The following PIGN variants were observed in gnomAD, a reference collection of about 807,000 sequenced individuals.
The protein encoded by PIGN is GPI ethanolamine phosphate transferase 1.
PIGN carries 117 observed loss-of-function variants against 125.4 expected under a neutral mutation model. The observed-to-expected ratio is 0.93, with a 90% CI of 0.80 to 1.09. The LOEUF is 1.09. Among genes scored for constraint, PIGN ranks in the 50% least tolerant of loss-of-function variants. PIGN has a pLI of 0.00. For missense variants in PIGN, 1,075 were observed against 1,094.9 expected (o/e 0.98, Z 0.26); for synonymous variants, 392 against 377.8 (o/e 1.04, Z -0.44).
chr18:62,146,619 G>A (rs564746798), intron 9 of PIGN, among the ~76,000 whole-genome samples: 4 of 152,230 alleles, frequency 2.6e-5, no homozygotes, highest in African/African-American at 4.8e-5. Context: ...AGGCTTACCC[G>A]GGACAGAATT....
At chr18:62,070,785 CTTTATT>C in intron 30 of PIGN, among the ~76,000 whole-genome samples, 1 of 152,116 alleles carries the variant, frequency 6.6e-6, no homozygotes, top group Non-Finnish European at 1.5e-5. Flanking sequence ...TCAGATTATA[CTTTATT>C]TTTAATTAAC....
chr18:62,079,492 G>A (rs1275829412), intron 28 of PIGN, among the ~76,000 whole-genome samples: 1 of 152,152 alleles, frequency 6.6e-6, no homozygotes, highest in Non-Finnish European at 1.5e-5. Flanking sequence ...ATTTAAGACT[G>A]ACTTAAGAGC....
chr18:62,053,091 T>G, intron 30 of PIGN: 1 of 276,462 alleles, frequency 3.6e-6, no homozygotes. Flanking sequence ...ATTTGCTAGC[T>G]GATGTGAAAA....
rs1329819472 is a variant in PIGN at position 62,042,491 on chromosome 18, G to A, written c.*3365C>T. The A allele has an allele frequency of 1.3e-5, 2 of 152,122 alleles. No homozygotes were observed. Among genetic ancestry groups the A allele is most frequent in the Non-Finnish European group, 2.9e-5 (2 of 68,036 alleles). 9.4% of individuals were successfully genotyped at this position (152,122 alleles called of 1,614,324 possible). On this transcript the variant is annotated 3_prime_UTR_variant, in exon 31 of 31. Coordinates refer to ENST00000640252, the MANE Select transcript of PIGN (RefSeq NM_176787.5). ...GCAGTAACTGTAACCCGTTTTAAGTGTACCCAAGGAAATGAATAAGAGACA... is the reference window on the plus strand; with the variant it reads ...GCAGTAACTGTAACCCGTTTTAAGTATACCCAAGGAAATGAATAAGAGACA...
intron 16 of PIGN, among the ~76,000 whole-genome samples, chr18:62,110,521 T>C (rs999444761): frequency 6.6e-6 from 1 of 152,170 alleles, no homozygotes; most frequent in Non-Finnish European, 1.5e-5. Flanking sequence ...CTAGTGATAG[T>C]CTGCATGGTG....
chr18:62,072,691 C>T lies in PIGN; in HGVS notation c.2654G>A (p.Trp885Ter). 1.2e-6 allele frequency: 2 copies of T among 1,604,620 alleles called. No individual in the cohort carries two copies. Among genetic ancestry groups the T allele is most frequent in the Non-Finnish European group, 1.7e-6 (2 of 1,176,198 alleles). The change falls in exon 30 of 31, where the codon TGG (tryptophan) becomes TAG (stop). Residue 885 changes from tryptophan (W) to a stop codon, truncating the protein, a stop_gained. Coordinates refer to ENST00000640252, the MANE Select transcript of PIGN (RefSeq NM_176787.5). LOFTEE classifies it high-confidence loss of function. Reference sequence around the variant, plus strand: ...ACTATACCTTGTCCCAATATCAAGCCAGCTGCCATAATCCTTGACCAAGAA... The same window carrying T: ...ACTATACCTTGTCCCAATATCAAGCTAGCTGCCATAATCCTTGACCAAGAA... ...FFFLVKDYGS[W>*]LDIGTSISHY... is the part of the protein sequence containing the mutation.
intron 23 of PIGN, among the ~76,000 whole-genome samples, chr18:62,018,877 C>T (rs1358478318): frequency 6.6e-6 from 1 of 152,174 alleles, no homozygotes; most frequent in African/African-American, 2.4e-5. Context: ...CACACACACA[C>T]ACAGCCCAGA....
intron 1 of PIGN, among the ~76,000 whole-genome samples, chr18:62,166,769 C>T (rs939335141): frequency 1.3e-5 from 2 of 151,992 alleles, no homozygotes; most frequent in African/African-American, 4.8e-5. Context: ...TAGATGAAAC[C>T]AGAAGCCATC....
intron 14 of PIGN, among the ~76,000 whole-genome samples, chr18:62,131,769 T>C (rs1254997958): frequency 1.3e-5 from 2 of 152,154 alleles, no homozygotes; most frequent in Non-Finnish European, 2.9e-5. Context: ...TCCTGAAACA[T>C]TTGCTATTTC....
At chr18:62,182,524 T>C (rs1473595289) in intron 1 of PIGN, among the ~76,000 whole-genome samples, 1 of 152,204 alleles carries the variant, frequency 6.6e-6, no homozygotes, top group Non-Finnish European at 1.5e-5. Flanking sequence ...TTTGTGTTTC[T>C]TGAATCTGTT....
At chr18:62,085,648 T>C (rs972245178) in intron 25 of PIGN, among the ~76,000 whole-genome samples, 2 of 152,190 alleles carry the variant, frequency 1.3e-5, no homozygotes, top group African/African-American at 4.8e-5. Flanking sequence ...TATATATGCT[T>C]GCCGTAAACC....
In PIGN at chr18:62,161,185, C is replaced by A. The variant is rs1185886258; in HGVS notation, c.169G>T (p.Asp57Tyr). ...VLFVADGLRADALYELDENGN... is the reference protein window; with the variant it reads ...VLFVADGLRAYALYELDENGN... ...TTTTCATCTAATTCGTAAAGTGCAT[C>A]TGCTCGAAGGCCATCAGCAACAAAC... is the stretch of plus-strand genomic sequence containing the variant. Residue 57 changes from aspartate to tyrosine, a missense_variant, in exon 4 of 31, where the codon GAT (aspartate) becomes TAT (tyrosine). Coordinates refer to ENST00000640252, the MANE Select transcript of PIGN (RefSeq NM_176787.5). The A allele has an allele frequency of 6.2e-7, 1 of 1,613,754 alleles. No individual in the cohort carries two copies. The highest frequency in any genetic ancestry group is 1.3e-5 in the African/African-American group (1 of 74,918).
chr18:62,085,032 T>G lies in PIGN; in HGVS notation c.2426+177A>C, dbSNP rs564894505. On this transcript the variant is annotated intron_variant, in intron 26 of 30. Transcript: ENST00000640252. ...CTGAGGCATGAGAATCGCTTGAACC[T>G]GGGAGGCAGAGGTTGCAATGAGCCG... Among the ~76,000 whole-genome samples the G allele has an allele frequency of 2.0e-5, 3 of 151,914 alleles. No individual in the cohort carries two copies. The South Asian group carries it at 6.3e-4, about 32-fold the overall frequency.
At chr18:62,065,179 CCTTT>C (rs1016212787) in intron 30 of PIGN, among the ~76,000 whole-genome samples, 11 of 152,146 alleles carry the variant, frequency 7.2e-5, no homozygotes, top group African/African-American at 2.4e-4. Context: ...TTCCTTCCTT[CCTTT>C]CTCTTTCTCT....
At chr18:62,127,674 G>T (rs117761601) in intron 14 of PIGN, among the ~76,000 whole-genome samples, 1,461 of 67,874 alleles carry the variant, frequency 0.022, 48 homozygotes, top group East Asian at 0.15. Flanking sequence ...CAACAGTCTG[G>T]TTTTTTTGTG....
At position 62,043,849 on chromosome 18, in the gene PIGN, T is replaced by A. The variant is rs971327251; in HGVS notation, c.*2007A>T. 1.3e-5 allele frequency: 2 copies of A among 152,240 alleles called. No individual in the cohort carries two copies. The highest frequency in any genetic ancestry group is 4.8e-5 in the African/African-American group (2 of 41,452). The allele number at this position is 152,240 out of a possible 1,614,324, so 9.4% of individuals were successfully genotyped here. A position where few individuals can be genotyped will look rare whatever the true frequency, so the allele number is the denominator to read the frequency against. On this transcript the variant is annotated 3_prime_UTR_variant, in exon 31 of 31. Transcript: ENST00000640252. ...TTTAAACATTGTTAATCAGCAAATG[T>A]CCTAAGTCTTGATTCAGAAATCTAT...
chr18:62,053,500 A>G (rs1443070721), intron 30 of PIGN, among the ~76,000 whole-genome samples: 1 of 152,214 alleles, frequency 6.6e-6, no homozygotes, highest in Non-Finnish European at 1.5e-5. Context: ...AAAAACAGAG[A>G]TTGGTAGAAG....
chr18:62,081,105 G>A (rs2033428784), intron 28 of PIGN, among the ~76,000 whole-genome samples: 1 of 152,046 alleles, frequency 6.6e-6, no homozygotes, highest in African/African-American at 2.4e-5. Context: ...CATTTCACTG[G>A]TTTGTTATAC....
intron 14 of PIGN, chr18:62,136,297 C>T (rs2035930039): frequency 1.3e-5 from 2 of 152,246 alleles, no homozygotes; most frequent in Admixed American, 6.5e-5. Flanking sequence ...TATATACACA[C>T]ATAAAAACTC....
Sources: gnomAD v4.1 joint callset for allele counts (sites outside exome capture counted in the v4.1 genomes callset) on GRCh38, gnomAD v4.1.1 for gene constraint, MANE v1.5 for transcripts, NCBI Gene and HGNC (gene_info 2026-07-23, HGNC 2026-07-21) for gene names.